Variants in IFT52 observed in about 807,000 individuals in gnomAD.
The protein encoded by IFT52 is intraflagellar transport protein 52 homolog.
IFT52 carries 44 observed loss-of-function variants against 54.4 expected under a neutral mutation model. The ratio of observed to expected loss-of-function variants is 0.81; its 90% CI spans 0.63 to 1.04. IFT52 has a LOEUF of 1.04. IFT52 is among the 50% of genes least tolerant of loss of function. The pLI, the probability that IFT52 is intolerant of heterozygous loss-of-function variation, is 0.00. For synonymous variants in IFT52, 181 were observed against 185.3 expected (o/e 0.98, Z 0.19); for missense variants, 452 against 523.6 (o/e 0.86, Z 1.33).
Position 43,604,448 on chromosome 20 carries a change from C to T in IFT52, c.413+190C>T, listed in dbSNP as rs368161915. 5.3e-5 allele frequency among the ~76,000 whole-genome samples: 8 copies of T among 152,196 alleles called. No homozygotes were observed. The East Asian group carries it at 7.7e-4, about 15-fold the overall frequency. On this transcript the variant is annotated intron_variant, in intron 5 of 13. Transcript: ENST00000373030. ...AAAATTAGCCAGGCATTGTAGCAGG[C>T]GCCTGTAATCCCAGCTACTCGGGAG...
chr20:43,646,084 A>G (rs1420539619), intron 13 of IFT52, among the ~76,000 whole-genome samples: 1 of 151,052 alleles, frequency 6.6e-6, no homozygotes, highest in Non-Finnish European at 1.5e-5. Flanking sequence ...GGTGGCGGGC[A>G]CCTGTAGTCC....
At chr20:43,607,056 A>G (rs1230111825) in intron 6 of IFT52, among the ~76,000 whole-genome samples, 3 of 152,180 alleles carry the variant, frequency 2.0e-5, no homozygotes, top group Non-Finnish European at 4.4e-5. Context: ...TATTCCACAA[A>G]ACCGCCATTG....
intron 10 of IFT52, among the ~76,000 whole-genome samples, chr20:43,629,545 T>C (rs1985015426): frequency 6.6e-6 from 1 of 152,178 alleles, no homozygotes; most frequent in Non-Finnish European, 1.5e-5. Flanking sequence ...GTGCTGGGAT[T>C]ACAGGCGTCA....
intron 7 of IFT52, among the ~76,000 whole-genome samples, chr20:43,614,220 A>G (rs1375367706): frequency 2.0e-5 from 3 of 152,032 alleles, no homozygotes; most frequent in Non-Finnish European, 4.4e-5. Flanking sequence ...CCACTGTAGC[A>G]TGAGGCTACC....
At chr20:43,619,691 G>A (rs1215043927) in intron 8 of IFT52, among the ~76,000 whole-genome samples, 1 of 151,998 alleles carries the variant, frequency 6.6e-6, no homozygotes, top group Non-Finnish European at 1.5e-5. Context: ...TTGCAATTTT[G>A]TCAAAAAAAT....
At chr20:43,607,293 G>A (rs1195605439) in intron 6 of IFT52, among the ~76,000 whole-genome samples, 4 of 151,222 alleles carry the variant, frequency 2.6e-5, no homozygotes, top group Non-Finnish European at 4.4e-5. Context: ...CGGACGGGGC[G>A]GCTGGCCTGG....
chr20:43,592,590 A>G (rs1034876356), intron 1 of IFT52, among the ~76,000 whole-genome samples: 1 of 151,760 alleles, frequency 6.6e-6, no homozygotes, highest in Admixed American at 6.6e-5. Flanking sequence ...AAAAAATTAC[A>G]TCATGAAGTA....
rs1012082855 is a variant in IFT52, at chr20:43,600,462, G to A, written c.208-3298G>A. On this transcript the variant is annotated intron_variant, in intron 3 of 13. Transcript: ENST00000373030. The stretch of plus-strand genomic sequence containing the variant: ...TGGTACTACAGGTGCCCACCACCAC[G>A]CCCGGCTAATTTTTTGTATTTTTAG... Among the ~76,000 whole-genome samples, 3 of 151,992 alleles carry A rather than the reference G, an allele frequency of 2.0e-5. No individual in the cohort carries two copies. The South Asian group carries it at 6.3e-4, about 32-fold the overall frequency.
At chr20:43,616,278 G>A (rs920484351) in intron 7 of IFT52, among the ~76,000 whole-genome samples, 3 of 152,030 alleles carry the variant, frequency 2.0e-5, no homozygotes, top group Non-Finnish European at 4.4e-5. Context: ...AGGTCAAGGC[G>A]GGCAAATCAC....
Position 43,603,947 on chromosome 20 carries a change from C to A in IFT52, c.337+58C>A, listed in dbSNP as rs73907863. 2.9e-3 allele frequency: 3,643 copies of A among 1,245,784 alleles called. 88 individuals are homozygous for A. The African/African-American group carries it at 0.049, about 17-fold the overall frequency. 77.2% of individuals were successfully genotyped at this position (1,245,784 alleles called of 1,614,324 possible). On this transcript the variant is annotated intron_variant, in intron 4 of 13. Coordinates refer to ENST00000373030, the MANE Select transcript of IFT52 (RefSeq NM_016004.5). ...TACTTTTCTATCTATTATTTGATAT[C>A]ATAGCCCTCTAGGTCCAGTGGCATA...
At chr20:43,620,832 T>G in intron 8 of IFT52, 25 bp from the exon 9 acceptor site, 1 of 1,509,448 alleles carries the variant, frequency 6.6e-7, no homozygotes, top group Non-Finnish European at 9.0e-7. Flanking sequence ...ACTGTCCTAA[T>G]TATATACTTT....
intron 9 of IFT52, among the ~76,000 whole-genome samples, chr20:43,622,773 TGTAA>T (rs1984430253): frequency 1.2e-5 from 1 of 84,622 alleles, no homozygotes; most frequent in East Asian, 3.8e-4. Context: ...ACAAATTGTG[TGTAA>T]ATATAAATAT....
In IFT52 at chr20:43,594,556, A is replaced by G. The variant is rs1448544674; in HGVS notation, c.-6-137A>G. On this transcript the variant is annotated intron_variant, in intron 1 of 13. Transcript: ENST00000373030. ...TGCATTTCACTCTCAACCTTTGAGA[A>G]TTGTAGGAGTTTCCTAGATAGGTTT... 3 of 604,840 alleles carry G rather than the reference A, an allele frequency of 5.0e-6. No individual in the cohort carries two copies. The African/African-American group carries it at 5.6e-5, about 11-fold the overall frequency. The allele number at this position is 604,840 out of a possible 1,614,324, so 37.5% of individuals were successfully genotyped here.
intron 8 of IFT52, among the ~76,000 whole-genome samples, 175 bp from the exon 9 acceptor site, chr20:43,620,682 G>C (rs1323869441): frequency 6.6e-6 from 1 of 152,098 alleles, no homozygotes; most frequent in African/African-American, 2.4e-5. Flanking sequence ...TTAGGGTGAA[G>C]AAAACCTTTG....
At chr20:43,640,857 G>A (rs997469936) in intron 12 of IFT52, among the ~76,000 whole-genome samples, 2 of 151,938 alleles carry the variant, frequency 1.3e-5, no homozygotes, top group Admixed American at 6.6e-5. Flanking sequence ...GCGACATGGT[G>A]AAACCCCGTC....
rs763248379 is a variant in IFT52, at chr20:43,642,636, A to G, written c.1266+12A>G. ...AGAAATTGAACCAGGTACAGAGCCT[A>G]CAAGGCACAGTGTAGTGGGAGCCCC... On this transcript the variant is annotated intron_variant, in intron 13 of 13. Transcript: ENST00000373030. The G allele has an allele frequency of 6.2e-7, 1 of 1,613,422 alleles. No individual in the cohort carries two copies. The highest frequency in any genetic ancestry group is 1.1e-5 in the South Asian group (1 of 90,982).
intron 1 of IFT52, among the ~76,000 whole-genome samples, chr20:43,593,205 C>A (rs1981674286): frequency 6.6e-6 from 1 of 152,134 alleles, no homozygotes; most frequent in Non-Finnish European, 1.5e-5. Flanking sequence ...TGGCAAAAAT[C>A]TATAGCAAGA....
intron 7 of IFT52, among the ~76,000 whole-genome samples, chr20:43,615,701 G>A (rs887056103): frequency 1.3e-5 from 2 of 152,118 alleles, no homozygotes; most frequent in East Asian, 3.9e-4. Context: ...CACTTTGGGA[G>A]GCCAAGGCGG....
intron 6 of IFT52, among the ~76,000 whole-genome samples, chr20:43,608,099 A>G (rs1018111408): frequency 1.3e-5 from 2 of 152,178 alleles, no homozygotes; most frequent in African/African-American, 2.4e-5. Flanking sequence ...TGGCAGCAGT[A>G]TAGTCCAGCT....
Sources: allele counts gnomAD v4.1 joint callset (sites outside exome capture counted in the v4.1 genomes callset), GRCh38; gene constraint gnomAD v4.1.1; transcripts MANE v1.5; gene names NCBI Gene and HGNC (gene_info 2026-07-23, HGNC 2026-07-21).